The following ARHGAP39 variants were observed in gnomAD, a reference collection of about 807,000 sequenced individuals.
ARHGAP39 encodes rho GTPase-activating protein 39.
In ARHGAP39, 44 loss-of-function variants were observed where a neutral mutation model predicts 106.9. That is an observed-to-expected ratio of 0.41 (90% confidence interval 0.32 to 0.53). ARHGAP39 has a LOEUF of 0.53. Ranked by LOEUF, ARHGAP39 falls within the 20% of genes least tolerant of loss-of-function variation. The pLI, the probability that ARHGAP39 is intolerant of heterozygous loss-of-function variation, is 0.21. For missense variants in ARHGAP39, 1,496 were observed against 1,577.3 expected, an observed-to-expected ratio of 0.95 and a Z score of 0.87; for synonymous variants, 768 against 693.2, an observed-to-expected ratio of 1.11 and a Z score of -1.69.
intron 1 of ARHGAP39, among the ~76,000 whole-genome samples, chr8:144,626,981 T>G (rs999633885): frequency 1.3e-5 from 2 of 152,198 alleles, no homozygotes; most frequent in African/African-American, 4.8e-5. Context: ...GTCGGGGCCA[T>G]GTTTGTCCCC....
At chr8:144,530,660 C>CGGGGG in intron 11 of ARHGAP39, 42 bp downstream of exon 11, 21 of 231,606 alleles carry the variant, frequency 9.1e-5, no homozygotes, top group East Asian at 6.7e-4. Context: ...GGGGGCGGGG[C>CGGGGG]GGGGAGGGGA....
At chr8:144,580,108 G>C (rs554999807) in intron 3 of ARHGAP39, among the ~76,000 whole-genome samples, 18 of 151,958 alleles carry the variant, frequency 1.2e-4, no homozygotes, top group Middle Eastern at 3.4e-3. Context: ...CACTCACCTC[G>C]AGGCCCTTGC....
At chr8:144,566,106 A>T (rs1818386752) in intron 3 of ARHGAP39, among the ~76,000 whole-genome samples, 1 of 152,018 alleles carries the variant, frequency 6.6e-6, no homozygotes, top group South Asian at 2.1e-4. Context: ...CAACAAAAAA[A>T]GTTTTGTTTT....
upstream of ARHGAP39, among the ~76,000 whole-genome samples, chr8:144,686,064 G>A (rs907397258): frequency 2.0e-5 from 3 of 152,054 alleles, no homozygotes; most frequent in East Asian, 5.8e-4. Context: ...GGCCTCCCGC[G>A]CGGACCTACC....
intron 1 of ARHGAP39, among the ~76,000 whole-genome samples, chr8:144,635,829 G>A (rs938554017): frequency 6.8e-6 from 1 of 146,438 alleles, no homozygotes; most frequent in Non-Finnish European, 1.5e-5. Context: ...CAGGTAGACA[G>A]TGTGGGGACT....
intron 1 of ARHGAP39, among the ~76,000 whole-genome samples, chr8:144,633,905 CAT>C (rs1220604128): frequency 1.1e-4 from 16 of 152,232 alleles, no homozygotes; most frequent in Admixed American, 1.0e-3. Context: ...TGCCTCTCCA[CAT>C]GAGATTTAAA....
intron 2 of ARHGAP39, among the ~76,000 whole-genome samples, chr8:144,595,709 T>C (rs547834418): frequency 2.6e-5 from 4 of 152,128 alleles, no homozygotes; most frequent in East Asian, 1.9e-4. Context: ...GGGTCCACGA[T>C]GGCCATGGCA....
rs1402004360 is a variant in ARHGAP39, at chr8:144,595,762, C to A, written c.80+9773G>T. 7.2e-5 allele frequency among the ~76,000 whole-genome samples: 11 copies of A among 152,262 alleles called. No individual in the cohort carries two copies. The East Asian group carries it at 2.1e-3, about 29-fold the overall frequency. ...CCACAGCTGGCCCCGAGCAGACCCT[C>A]TTGGTGGGTCCAGTGGGACCACTCC... On this transcript the variant is annotated intron_variant, in intron 2 of 11. Coordinates refer to ENST00000377307, the MANE Select transcript of ARHGAP39 (RefSeq NM_025251.3).
At chr8:144,556,881 G>T (rs1385055962) in intron 3 of ARHGAP39, among the ~76,000 whole-genome samples, 1 of 99,696 alleles carries the variant, frequency 1.0e-5, no homozygotes, top group Non-Finnish European at 1.8e-5. Flanking sequence ...GAGGCAAAAG[G>T]CTGAACCTTC....
chr8:144,593,390 G>A (rs1159305739), intron 2 of ARHGAP39, among the ~76,000 whole-genome samples: 3 of 152,110 alleles, frequency 2.0e-5, no homozygotes, highest in East Asian at 3.9e-4. Flanking sequence ...GCAAACAAAT[G>A]CAGTCAGACC....
At chr8:144,570,527 G>A (rs979449025) in intron 3 of ARHGAP39, among the ~76,000 whole-genome samples, 1 of 152,158 alleles carries the variant, frequency 6.6e-6, no homozygotes, top group Non-Finnish European at 1.5e-5. Flanking sequence ...TAGACGCAAC[G>A]ACAATAGGAA....
chr8:144,568,118 G>A (rs1483975423), intron 3 of ARHGAP39, among the ~76,000 whole-genome samples: 2 of 152,052 alleles, frequency 1.3e-5, no homozygotes, highest in African/African-American at 4.8e-5. Flanking sequence ...GATCACCTGA[G>A]GTCAGGAGTT....
At chr8:144,596,103 G>A (rs1057258688) in intron 2 of ARHGAP39, among the ~76,000 whole-genome samples, 2 of 152,168 alleles carry the variant, frequency 1.3e-5, no homozygotes, top group South Asian at 4.1e-4. Context: ...CAGAGGCCCC[G>A]CAGCAAACCC....
intron 1 of ARHGAP39, among the ~76,000 whole-genome samples, chr8:144,630,560 G>A (rs1427071305): frequency 1.3e-5 from 2 of 152,208 alleles, no homozygotes; most frequent in African/African-American, 4.8e-5. Context: ...TCCAGTGACC[G>A]AGACACTGAG....
At chr8:144,632,386 G>GAGC (rs1821083694) in intron 1 of ARHGAP39, among the ~76,000 whole-genome samples, 1 of 152,166 alleles carries the variant, frequency 6.6e-6, no homozygotes, top group South Asian at 2.1e-4. Context: ...AGCCGCACTG[G>GAGC]AGCAGCCTGT....
chr8:144,680,509 C>T (rs1822381244), intron 1 of ARHGAP39, among the ~76,000 whole-genome samples: 1 of 152,202 alleles, frequency 6.6e-6, no homozygotes, highest in Non-Finnish European at 1.5e-5. Flanking sequence ...CCTTTAATCA[C>T]AGAAGGACTC....
intron 4 of ARHGAP39, among the ~76,000 whole-genome samples, chr8:144,550,917 A>G (rs1294217040): frequency 6.6e-6 from 1 of 152,200 alleles, no homozygotes; most frequent in Non-Finnish European, 1.5e-5. Context: ...TGTGGCTGCA[A>G]GGCTTGGATT....
intron 6 of ARHGAP39, 46 bp downstream of exon 6, chr8:144,545,203 C>T (rs1817357393): frequency 6.9e-7 from 1 of 1,446,124 alleles, no homozygotes; most frequent in Non-Finnish European, 9.2e-7. Flanking sequence ...GAGCCCTCTC[C>T]ACTGCCCTTA....
Position 144,585,516 on chromosome 8 carries a change from G to A in ARHGAP39, c.81-4239C>T, listed in dbSNP as rs1819148899. Among the ~76,000 whole-genome samples, 1 of 151,848 alleles carries A rather than the reference G, an allele frequency of 6.6e-6. No homozygotes were observed. The highest frequency in any genetic ancestry group is 2.4e-5 in the African/African-American group (1 of 41,328). On this transcript the variant is annotated intron_variant, in intron 2 of 11. Coordinates refer to ENST00000377307, the MANE Select transcript of ARHGAP39 (RefSeq NM_025251.3). The surrounding 1 kb of genome is among the most constrained non-coding windows in gnomAD (Gnocchi z 4.6). ...GTGCACTCTCTTGCCCTTAGCTCCA[G>A]GGCAACTCTCCCTGGAGACAACCCT... is the stretch of plus-strand genomic sequence containing the variant.
Sources: gnomAD v4.1 joint callset for allele counts (sites outside exome capture counted in the v4.1 genomes callset) on GRCh38, gnomAD v4.1.1 for gene constraint, Gnocchi (gnomAD v3.1) non-coding constraint, MANE v1.5 for transcripts, NCBI Gene and HGNC (gene_info 2026-07-23, HGNC 2026-07-21) for gene names.